Variants in FRY observed in about 807,000 individuals in gnomAD.
FRY encodes protein furry homolog.
Under a neutral mutation model 348.4 loss-of-function variants are expected in FRY, and 128 were observed. The ratio of observed to expected loss-of-function variants is 0.37; its 90% CI spans 0.32 to 0.43. FRY has a LOEUF of 0.43. Ranked by LOEUF, FRY falls within the 20% of genes least tolerant of loss-of-function variation. The pLI, the probability that FRY is intolerant of heterozygous loss-of-function variation, is 1.00. For missense variants in FRY, 2,736 were observed against 3,695.2 expected, an observed-to-expected ratio of 0.74 and a Z score of 6.73; for synonymous variants, 1,370 against 1,374.7, an observed-to-expected ratio of 1.00 and a Z score of 0.08.
At chr13:32,141,629 G>A (rs1880077765) in intron 11 of FRY, among the ~76,000 whole-genome samples, 1 of 152,194 alleles carries the variant, frequency 6.6e-6, no homozygotes, top group South Asian at 2.1e-4. Flanking sequence ...ATATTTATAA[G>A]CAGCACAGGT....
At chr13:32,137,091 T>C (rs1201397392) in intron 11 of FRY, 119 bp downstream of exon 11, 5 of 705,748 alleles carry the variant, frequency 7.1e-6, no homozygotes, top group Non-Finnish European at 1.3e-5. Flanking sequence ...CCTATACTGG[T>C]GGAATAATGA....
chr13:32,076,277 A>T (rs1341021433), intron 1 of FRY, among the ~76,000 whole-genome samples: 1 of 152,232 alleles, frequency 6.6e-6, no homozygotes, highest in Admixed American at 6.5e-5. Context: ...GAAATGGATC[A>T]AATCCTGTGG....
intron 1 of FRY, among the ~76,000 whole-genome samples, chr13:32,045,158 A>G (rs1872956863): frequency 6.6e-6 from 1 of 152,176 alleles, no homozygotes. Flanking sequence ...CAGGACCCCT[A>G]TAGGGCTTAG....
At chr13:32,161,060 A>G in intron 16 of FRY, 84 bp from the exon 17 acceptor site, 1 of 887,450 alleles carries the variant, frequency 1.1e-6, no homozygotes, top group South Asian at 1.3e-5. Flanking sequence ...CATGGATTCT[A>G]GTCTTTGTTC....
At chr13:32,282,929 T>C (rs1199008435) in intron 58 of FRY, among the ~76,000 whole-genome samples, 1 of 151,976 alleles carries the variant, frequency 6.6e-6, no homozygotes, top group African/African-American at 2.4e-5. Flanking sequence ...GATCACGAGG[T>C]CAGGAGTTTG....
chr13:32,149,395 T>C (rs1185769999), intron 13 of FRY, among the ~76,000 whole-genome samples: 2 of 152,000 alleles, frequency 1.3e-5, no homozygotes, highest in East Asian at 3.9e-4. Flanking sequence ...TTTAAAGAGG[T>C]ACAGTACAAG....
chr13:32,140,513 G>A (rs1379553100), intron 11 of FRY, among the ~76,000 whole-genome samples: 1 of 152,128 alleles, frequency 6.6e-6, no homozygotes, highest in Non-Finnish European at 1.5e-5. Context: ...TGATGAGTAA[G>A]ACAGTAGCAC....
chr13:32,263,909 G>C (rs1298063871), intron 53 of FRY, among the ~76,000 whole-genome samples: 1 of 152,174 alleles, frequency 6.6e-6, no homozygotes, highest in Non-Finnish European at 1.5e-5. Flanking sequence ...TCAGGAGGCT[G>C]AGGCAGAGAA....
intron 15 of FRY, among the ~76,000 whole-genome samples, chr13:32,156,507 A>ATG (rs1881122352): frequency 6.6e-6 from 1 of 151,712 alleles, no homozygotes; most frequent in African/African-American, 2.4e-5. Flanking sequence ...AGGCTAAGGC[A>ATG]GGAAAATCAC....
intron 15 of FRY, among the ~76,000 whole-genome samples, chr13:32,156,618 A>G (rs1374222424): frequency 1.4e-5 from 2 of 145,630 alleles, no homozygotes; most frequent in Admixed American, 1.4e-4. Flanking sequence ...AAAAAAAAAA[A>G]AAACAGATGT....
Position 32,049,142 on chromosome 13 carries a change from G to A in FRY, c.70+17277G>A, listed in dbSNP as rs1873185742. Among the ~76,000 whole-genome samples, 5 of 152,326 alleles carry A rather than the reference G, an allele frequency of 3.3e-5. No individual in the cohort carries two copies. In the South Asian group the frequency reaches 1.0e-3, roughly 32 times the overall value. Reference sequence around the variant, plus strand: ...CTGACCTAAATAATCATTTAGAGAAGGAAGTGATTCATCATTTTAAGAGGG... The same window carrying A: ...CTGACCTAAATAATCATTTAGAGAAAGAAGTGATTCATCATTTTAAGAGGG... On this transcript the variant is annotated intron_variant, in intron 1 of 60. Coordinates refer to ENST00000542859, the MANE Select transcript of FRY (RefSeq NM_023037.3).
intron 50 of FRY, 47 bp from the exon 51 acceptor site, chr13:32,254,174 AAAC>A: frequency 6.3e-7 from 1 of 1,597,666 alleles, no homozygotes; most frequent in Non-Finnish European, 8.6e-7. Flanking sequence ...TTCGTAGCAC[AAAC>A]AACCAAAGGG....
chr13:32,100,430 T>C (rs1346116801), intron 2 of FRY, among the ~76,000 whole-genome samples: 3 of 152,098 alleles, frequency 2.0e-5, no homozygotes, highest in Non-Finnish European at 4.4e-5. Flanking sequence ...ATTTTTCAAA[T>C]AAATTTTACG....
intron 7 of FRY, 127 bp from the exon 8 acceptor site, chr13:32,131,545 G>A (rs922224466): frequency 5.7e-6 from 4 of 696,704 alleles, no homozygotes; most frequent in Non-Finnish European, 1.0e-5. Flanking sequence ...ACAAAATCAT[G>A]GCTGTTGTAC....
At chr13:32,214,246 G>A (rs1884850117) in intron 35 of FRY, among the ~76,000 whole-genome samples, 3 of 151,932 alleles carry the variant, frequency 2.0e-5, no homozygotes, top group African/African-American at 7.3e-5. Context: ...TGTAATCCCT[G>A]TCATGTTGAT....
At chr13:32,225,764 C>T in intron 38 of FRY, 25 bp from the exon 39 acceptor site, 1 of 1,578,006 alleles carries the variant, frequency 6.3e-7, no homozygotes, top group South Asian at 1.1e-5. Context: ...TTTGTTTATA[C>T]TTAGATTCTA....
intron 17 of FRY, among the ~76,000 whole-genome samples, chr13:32,165,823 AG>A (rs1172065848): frequency 6.6e-6 from 1 of 152,230 alleles, no homozygotes; most frequent in East Asian, 1.9e-4. Context: ...TTCCATTAAA[AG>A]TCATATTTCT....
chr13:32,082,017 G>A (rs1284470122), intron 2 of FRY, among the ~76,000 whole-genome samples: 2 of 152,104 alleles, frequency 1.3e-5, no homozygotes, highest in Non-Finnish European at 2.9e-5. Context: ...CTTGTATGGG[G>A]ATGGCAAAGG....
At position 32,171,238 on chromosome 13, in the gene FRY, T is replaced by C; in HGVS notation, c.2119T>C (p.Tyr707His). 6.2e-7 allele frequency: 1 copy of C among 1,612,178 alleles called. No individual in the cohort carries two copies. Among genetic ancestry groups the C allele is most frequent in the Non-Finnish European group, 8.5e-7 (1 of 1,179,104 alleles). ...KLVIQTQGKVYEQANKIRNSE... is the reference protein window; with the variant it reads ...KLVIQTQGKVHEQANKIRNSE... ...AGTCATCCAGACACAAGGAAAAGTCTATGAACAAGCCAACAAAATCAGAAA... is the reference window on the plus strand; with the variant it reads ...AGTCATCCAGACACAAGGAAAAGTCCATGAACAAGCCAACAAAATCAGAAA... The change falls in exon 18 of 61, where the codon TAT (tyrosine) becomes CAT (histidine). Residue 707 changes from tyrosine to histidine, a missense_variant. Tyr to His is a moderately conservative substitution (Grantham distance 83). Transcript: ENST00000542859.
Sources: gnomAD v4.1 joint callset for allele counts (sites outside exome capture counted in the v4.1 genomes callset) on GRCh38, gnomAD v4.1.1 for gene constraint, MANE v1.5 for transcripts, NCBI Gene and HGNC (gene_info 2026-07-23, HGNC 2026-07-21) for gene names.